SGCZ: variants seen among roughly 807,000 people sequenced by gnomAD.
SGCZ encodes sarcoglycan zeta, also known as zeta-sarcoglycan.
SGCZ carries 40 observed loss-of-function variants against 41.3 expected under a neutral mutation model. The ratio of observed to expected loss-of-function variants is 0.97; its 90% CI spans 0.75 to 1.26. SGCZ has a LOEUF of 1.26. Among genes scored for constraint, SGCZ ranks in the 50% most tolerant of loss-of-function variants. The pLI is 0.00. For missense variants in SGCZ, 552 were observed against 369.8 expected (o/e 1.49, Z -4.04); for synonymous variants, 206 against 137.5 (o/e 1.50, Z -3.49).
At chr8:15,183,250 G>T (rs992349123) in intron 1 of SGCZ, among the ~76,000 whole-genome samples, 47 of 152,278 alleles carry the variant, frequency 3.1e-4, no homozygotes, top group South Asian at 4.1e-4. Flanking sequence ...TTATTATCAA[G>T]TATTATATAC....
chr8:14,621,736 A>G (rs1177555451), intron 1 of SGCZ, among the ~76,000 whole-genome samples: 1 of 152,080 alleles, frequency 6.6e-6, no homozygotes, highest in East Asian at 1.9e-4. Flanking sequence ...TCAGGAAGAC[A>G]GCATGGGGGA....
intron 1 of SGCZ, among the ~76,000 whole-genome samples, chr8:14,601,981 C>G (rs1044611907): frequency 2.0e-4 from 31 of 151,960 alleles, no homozygotes; most frequent in South Asian, 8.3e-4. Flanking sequence ...TTAGCCGGGC[C>G]TGGTGGCGGG....
At position 15,237,706 on chromosome 8, in the gene SGCZ, C is replaced by T. The variant is rs1802186231; in HGVS notation, c.-83G>A. ...AGTCTTTTAGTTTCCAGCTTAAACT[C>T]AGCTTTATCCTCCTCCAAGCCCCGG... is the stretch of plus-strand genomic sequence containing the variant. On this transcript the variant is annotated 5_prime_UTR_variant, in exon 1 of 8. Transcript: ENST00000382080. 6.9e-7 allele frequency: 1 copy of T among 1,452,922 alleles called. No homozygotes were observed. Among genetic ancestry groups the T allele is most frequent in the Non-Finnish European group, 9.4e-7 (1 of 1,058,610 alleles). 90.0% of individuals were successfully genotyped at this position (1,452,922 alleles called of 1,614,324 possible). A position where few individuals can be genotyped will look rare whatever the true frequency, so the allele number is the denominator to read the frequency against.
At chr8:15,037,600 C>T (rs1803918214) in intron 1 of SGCZ, among the ~76,000 whole-genome samples, 1 of 152,106 alleles carries the variant, frequency 6.6e-6, no homozygotes, top group South Asian at 2.1e-4. Context: ...TTCTATTTAA[C>T]ATATTACTGA....
chr8:15,027,328 A>T lies in SGCZ; in HGVS notation c.39+210257T>A, dbSNP rs1181046158. Among the ~76,000 whole-genome samples the T allele has an allele frequency of 2.6e-5, 4 of 152,118 alleles. No homozygotes were observed. The East Asian group carries it at 7.7e-4, about 29-fold the overall frequency. ...TCTACATAGTATTAATCAACAACCC[A>T]GTGCTTTATTTAATACAGATGGGAA... On this transcript the variant is annotated intron_variant, in intron 1 of 7. Transcript: ENST00000382080.
At chr8:14,635,978 A>C (rs1214573167) in intron 1 of SGCZ, among the ~76,000 whole-genome samples, 1 of 151,952 alleles carries the variant, frequency 6.6e-6, no homozygotes, top group African/African-American at 2.4e-5. Flanking sequence ...AGTTCTACCC[A>C]AGAAGGTTTG....
intron 2 of SGCZ, among the ~76,000 whole-genome samples, chr8:14,362,191 A>G (rs1390775518): frequency 6.6e-6 from 1 of 152,158 alleles, no homozygotes; most frequent in Admixed American, 6.5e-5. Context: ...TTCGCACACC[A>G]TACTGGGAGA....
chr8:14,394,134 G>GCCCCC lies in SGCZ; in HGVS notation c.235-69935_235-69931dup, dbSNP rs142651514. 4.2e-4 allele frequency among the ~76,000 whole-genome samples: 54 copies of GCCCCC among 128,782 alleles called. 1 individual carries two copies. Among genetic ancestry groups the GCCCCC allele is most frequent in the African/African-American group, 1.6e-3 (48 of 29,984 alleles). The allele number at this position is 128,782 out of a possible 152,430, so 84.5% of individuals were successfully genotyped here. On this transcript the variant is annotated intron_variant, in intron 2 of 7. Transcript: ENST00000382080. ...GAACTACTTCATGCACTGCCCTACC[G>GCCCCC]CCCCCCACCTTTTTTTTTTTTTTTT...
intron 5 of SGCZ, among the ~76,000 whole-genome samples, chr8:14,112,270 G>GTTT (rs369599896): frequency 1.6e-5 from 2 of 125,654 alleles, no homozygotes; most frequent in African/African-American, 3.1e-5. Flanking sequence ...AATTTTTTGA[G>GTTT]TTTTTTTTTT....
At chr8:14,927,809 AC>A (rs1369679340) in intron 1 of SGCZ, among the ~76,000 whole-genome samples, 1 of 152,092 alleles carries the variant, frequency 6.6e-6, no homozygotes, top group African/African-American at 2.4e-5. Context: ...TTCTAGTCTG[AC>A]CCTATGTTTC....
chr8:14,168,531 C>G (rs1336708701), intron 4 of SGCZ, among the ~76,000 whole-genome samples: 1 of 152,046 alleles, frequency 6.6e-6, no homozygotes, highest in Non-Finnish European at 1.5e-5. Context: ...GGGAGTTTCC[C>G]TGCACAAGCT....
intron 1 of SGCZ, among the ~76,000 whole-genome samples, chr8:14,627,953 G>A (rs1026546017): frequency 1.3e-5 from 2 of 152,072 alleles, no homozygotes; most frequent in African/African-American, 4.8e-5. Context: ...TCAGCTACAT[G>A]TTTGGAGGAT....
chr8:14,972,010 A>T (rs1172767984), intron 1 of SGCZ, among the ~76,000 whole-genome samples: 3 of 151,950 alleles, frequency 2.0e-5, no homozygotes, highest in Admixed American at 1.3e-4. Context: ...CTTTTTTCAT[A>T]ATAACTGTGT....
intron 1 of SGCZ, among the ~76,000 whole-genome samples, chr8:14,723,431 T>C (rs981520839): frequency 1.3e-4 from 20 of 152,026 alleles, no homozygotes; most frequent in Non-Finnish European, 2.1e-4. Context: ...CCCACAGATA[T>C]TTGAGCTGGC....
intron 1 of SGCZ, among the ~76,000 whole-genome samples, chr8:14,800,994 G>C (rs1470905639): frequency 6.6e-6 from 1 of 152,130 alleles, no homozygotes; most frequent in Non-Finnish European, 1.5e-5. Context: ...AAGGAAACTA[G>C]CTCCGAATAC....
intron 2 of SGCZ, among the ~76,000 whole-genome samples, chr8:14,528,686 G>A (rs190046516): frequency 6.6e-6 from 1 of 151,980 alleles, no homozygotes; most frequent in East Asian, 2.0e-4. Context: ...ACTGATACTT[G>A]CAGCGGGAAG....
intron 2 of SGCZ, among the ~76,000 whole-genome samples, chr8:14,532,332 T>C (rs888442915): frequency 1.3e-4 from 19 of 151,958 alleles, no homozygotes; most frequent in African/African-American, 4.6e-4. Context: ...CTGAATGGAG[T>C]CTTGGTAAAG....
intron 2 of SGCZ, among the ~76,000 whole-genome samples, chr8:14,402,011 T>C (rs147284751): frequency 0.024 from 3,715 of 152,188 alleles, 160 homozygotes; most frequent in African/African-American, 0.083. Flanking sequence ...CTCATTGTGG[T>C]TTTGATTTGC....
intron 2 of SGCZ, among the ~76,000 whole-genome samples, chr8:14,456,377 C>T (rs1192564278): frequency 6.6e-6 from 1 of 152,032 alleles, no homozygotes; most frequent in Non-Finnish European, 1.5e-5. Context: ...CATTGCACTC[C>T]AGCCTGCGCA....
Sources: gnomAD v4.1 joint callset for allele counts (sites outside exome capture counted in the v4.1 genomes callset) on GRCh38, gnomAD v4.1.1 for gene constraint, MANE v1.5 for transcripts, NCBI Gene and HGNC (gene_info 2026-07-23, HGNC 2026-07-21) for gene names.